Variants in ADAMTSL1 observed in about 807,000 individuals in gnomAD.
ADAMTSL1 encodes ADAMTS like 1.
Under a neutral mutation model 201.8 loss-of-function variants are expected in ADAMTSL1, and 126 were observed. The ratio of observed to expected loss-of-function variants is 0.62; its 90% CI spans 0.54 to 0.72. The LOEUF (loss-of-function observed/expected upper bound fraction) is 0.72. Ranked by LOEUF, ADAMTSL1 falls within the 30% of genes least tolerant of loss-of-function variation. The pLI, the probability that ADAMTSL1 is intolerant of heterozygous loss-of-function variation, is 0.00. For missense variants in ADAMTSL1, 2,679 were observed against 2,277.8 expected (o/e 1.18, Z -3.59); for synonymous variants, 1,121 against 903.4 (o/e 1.24, Z -4.32).
At chr9:18,499,510 G>A (rs745760386) in intron 1 of ADAMTSL1, among the ~76,000 whole-genome samples, 3 of 152,324 alleles carry the variant, frequency 2.0e-5, no homozygotes, top group Middle Eastern at 3.4e-3. Context: ...CTTCAGACAT[G>A]GCCAGGATGT....
At chr9:18,762,881 T>C (rs1379059151) in intron 16 of ADAMTSL1, among the ~76,000 whole-genome samples, 1 of 152,224 alleles carries the variant, frequency 6.6e-6, no homozygotes, top group African/African-American at 2.4e-5. Flanking sequence ...TGTACCACAT[T>C]TTCTTTATCA....
At chr9:18,664,422 G>A (rs702202) in intron 9 of ADAMTSL1, among the ~76,000 whole-genome samples, 72,422 of 151,846 alleles carry the variant, frequency 0.48, 17,374 homozygotes, top group South Asian at 0.56. Context: ...TAGTAAAATC[G>A]AGAGTGAACA....
At position 18,186,222 on chromosome 9, in the gene ADAMTSL1, T is replaced by TATGA. The variant is rs567613859; in HGVS notation, c.207+22242_207+22245dup. On this transcript the variant is annotated intron_variant, in intron 2 of 29. Coordinates refer to the ADAMTSL1 transcript ENST00000680146. The stretch of plus-strand genomic sequence containing the variant: ...GCTGGTTTTTCCTTAGATTGTAAGG[T>TATGA]ATGAGAGGAAGAGATCTTCTTGGTC... 1.5e-3 allele frequency among the ~76,000 whole-genome samples: 235 copies of TATGA among 152,240 alleles called. 1 individual carries two copies. Among genetic ancestry groups the TATGA allele is most frequent in the Middle Eastern group, 3.4e-3 (1 of 294 alleles).
chr9:18,906,923 A>AC lies in ADAMTSL1; in HGVS notation c.5182+15dup, dbSNP rs1306211947. On this transcript the variant is annotated intron_variant, in intron 28 of 28. Coordinates refer to ENST00000380548, the MANE Select transcript of ADAMTSL1 (RefSeq NM_001040272.6). ...CCCCATGTGAAAACAGTATGTTCCA[A>AC]CCCCAAAGAACCTTCTGCAAATTCC... is the stretch of plus-strand genomic sequence containing the variant. 6.2e-7 allele frequency: 1 copy of AC among 1,613,664 alleles called. No individual in the cohort carries two copies. Among genetic ancestry groups the AC allele is most frequent in the South Asian group, 1.1e-5 (1 of 91,050 alleles).
rs1258113596 is a variant in ADAMTSL1 at position 18,023,280 on chromosome 9, A to G, written c.87+116358A>G. Among the ~76,000 whole-genome samples, 3 of 152,104 alleles carry G rather than the reference A, an allele frequency of 2.0e-5. No homozygotes were observed. In the East Asian group the frequency reaches 5.8e-4, roughly 29 times the overall value. On this transcript the variant is annotated intron_variant, in intron 1 of 29. Transcript: ENST00000680146. ...CCTCTCCCAAAGTATCAGCTTTAGT[A>G]GGTCTGGGGTGGTGCTCAAGAATTT...
intron 2 of ADAMTSL1, among the ~76,000 whole-genome samples, chr9:18,425,029 C>T (rs181714168): frequency 1.1e-4 from 16 of 152,226 alleles, no homozygotes; most frequent in African/African-American, 2.6e-4. Flanking sequence ...TAAAGGAAGT[C>T]GTACAATGTT....
intron 1 of ADAMTSL1, among the ~76,000 whole-genome samples, chr9:17,956,815 G>A (rs142936582): frequency 0.012 from 1,773 of 152,276 alleles, 15 homozygotes; most frequent in South Asian, 0.05. Context: ...AATTGTCTCT[G>A]GAGATGAGCT....
intron 1 of ADAMTSL1, among the ~76,000 whole-genome samples, chr9:18,090,520 T>C (rs1255291625): frequency 6.6e-6 from 1 of 152,184 alleles, no homozygotes; most frequent in East Asian, 1.9e-4. Context: ...GATGTTTCCA[T>C]TTATATGAGG....
intron 2 of ADAMTSL1, among the ~76,000 whole-genome samples, chr9:18,467,092 T>C (rs1821037002): frequency 6.6e-6 from 1 of 152,346 alleles, no homozygotes; most frequent in African/African-American, 2.4e-5. Flanking sequence ...TAAAGGGTGC[T>C]GTACTCCGTT....
At chr9:18,345,006 G>A (rs910322079) in intron 2 of ADAMTSL1, among the ~76,000 whole-genome samples, 33 of 152,064 alleles carry the variant, frequency 2.2e-4, no homozygotes, top group African/African-American at 6.3e-4. Context: ...CCTGGCTTCC[G>A]ACAAACATGA....
intron 23 of ADAMTSL1, among the ~76,000 whole-genome samples, chr9:18,845,916 A>AG (rs1011043605): frequency 1.3e-5 from 2 of 152,254 alleles, no homozygotes; most frequent in African/African-American, 4.8e-5. Context: ...AGCGTATATG[A>AG]GAAAACAGTT....
chr9:17,930,348 G>A (rs1202396129), intron 1 of ADAMTSL1, among the ~76,000 whole-genome samples: 3 of 152,126 alleles, frequency 2.0e-5, no homozygotes, highest in Admixed American at 6.6e-5. Context: ...GCACGGGTAA[G>A]TTTTCTTGGG....
chr9:18,057,803 AT>A (rs1822266034), intron 1 of ADAMTSL1, among the ~76,000 whole-genome samples: 1 of 152,188 alleles, frequency 6.6e-6, no homozygotes, highest in Non-Finnish European at 1.5e-5. Context: ...CGTCTGGCTA[AT>A]TCTTACTCAT....
intron 16 of ADAMTSL1, among the ~76,000 whole-genome samples, chr9:18,758,158 G>T (rs1322721578): frequency 6.6e-6 from 1 of 152,150 alleles, no homozygotes; most frequent in African/African-American, 2.4e-5. Flanking sequence ...AAGTCACAAG[G>T]CTGGTAAATG....
intron 9 of ADAMTSL1, among the ~76,000 whole-genome samples, chr9:18,665,555 C>G (rs1029583614): frequency 6.6e-6 from 1 of 152,086 alleles, no homozygotes; most frequent in Non-Finnish European, 1.5e-5. Context: ...GGAATTGTCT[C>G]AAATCAACAG....
At chr9:18,347,993 A>G (rs961211061) in intron 2 of ADAMTSL1, among the ~76,000 whole-genome samples, 13 of 152,202 alleles carry the variant, frequency 8.5e-5, no homozygotes, top group Non-Finnish European at 1.6e-4. Flanking sequence ...GGAAGAAGAA[A>G]GGAAAGCATT....
chr9:18,623,821 A>G (rs973527709), intron 5 of ADAMTSL1, among the ~76,000 whole-genome samples: 1 of 152,198 alleles, frequency 6.6e-6, no homozygotes, highest in African/African-American at 2.4e-5. Context: ...CTGACTGAGT[A>G]TTTCTTTCCA....
Position 18,675,819 on chromosome 9 carries a change from C to T in ADAMTSL1, c.1086-38C>T, listed in dbSNP as rs1452660195. On this transcript the variant is annotated intron_variant, in intron 9 of 28. Transcript: ENST00000380548. ...TTTAGTGTTTATTTTATTGTGTGTACCTTCTACTCAGAGGGTTGGCATTAT... is the reference window on the plus strand; with the variant it reads ...TTTAGTGTTTATTTTATTGTGTGTATCTTCTACTCAGAGGGTTGGCATTAT... The T allele has an allele frequency of 5.0e-6, 8 of 1,588,200 alleles. No individual in the cohort carries two copies. In the Admixed American group the frequency reaches 8.4e-5, roughly 17 times the overall value.
intron 1 of ADAMTSL1, among the ~76,000 whole-genome samples, chr9:17,921,153 ATTTG>A (rs1253086237): frequency 6.6e-6 from 1 of 152,002 alleles, no homozygotes; most frequent in Admixed American, 6.6e-5. Flanking sequence ...TTTTGTATTT[ATTTG>A]TTTGTTATAC....
Sources: gnomAD v4.1 joint callset for allele counts (sites outside exome capture counted in the v4.1 genomes callset) on GRCh38, gnomAD v4.1.1 for gene constraint, MANE v1.5 for transcripts, NCBI Gene and HGNC (gene_info 2026-07-23, HGNC 2026-07-21) for gene names.